ACTA2: variants seen among roughly 807,000 people sequenced by gnomAD.
ACTA2 encodes the protein actin, aortic smooth muscle.
A neutral mutation model predicts 39.5 loss-of-function variants in ACTA2; 12 were observed. The ratio of observed to expected loss-of-function variants is 0.30; its 90% CI spans 0.19 to 0.49. The LOEUF (loss-of-function observed/expected upper bound fraction) is 0.49, where lower values mean the gene tolerates loss of function less well. ACTA2 is among the 20% of genes least tolerant of loss of function. The pLI is 0.99. For missense variants in ACTA2, 236 were observed against 498.8 expected, an observed-to-expected ratio of 0.47 and a Z score of 5.02; for synonymous variants, 158 against 180.6, an observed-to-expected ratio of 0.88 and a Z score of 1.00.
In ACTA2 at chr10:88,990,714, C is replaced by T; in HGVS notation, c.-24+225G>A. Reference sequence around the variant, plus strand: ...TCTGGGGAGTGAGGGAAGCGGTTTACGAGTGACTTGGCTGGAGCCTCAGGG... The same window carrying T: ...TCTGGGGAGTGAGGGAAGCGGTTTATGAGTGACTTGGCTGGAGCCTCAGGG... On this transcript the variant is annotated intron_variant, in intron 1 of 4. Coordinates refer to the ACTA2 transcript ENST00000415557. The surrounding 1 kb of genome is among the most constrained non-coding windows in gnomAD (Gnocchi z 4.9). 2.5e-6 allele frequency: 2 copies of T among 795,296 alleles called. No individual in the cohort carries two copies. The highest frequency in any genetic ancestry group is 4.3e-6 in the Non-Finnish European group (2 of 462,532). The allele number at this position is 795,296 out of a possible 1,614,324, so 49.3% of individuals were successfully genotyped here.
chr10:88,943,633 C>T lies in ACTA2; in HGVS notation c.369+164G>A, dbSNP rs755173353. On this transcript the variant is annotated intron_variant, in intron 4 of 8. Transcript: ENST00000224784. The stretch of plus-strand genomic sequence containing the variant: ...GGTCCCTGCAGGAAGGATGCAAGTA[C>T]TTTCAAGCTGTTCCTGTCCTTTGGG... 4.2e-5 allele frequency: 30 copies of T among 708,956 alleles called. 1 individual carries two copies. The highest frequency in any genetic ancestry group is 3.9e-4 in the South Asian group (26 of 66,886). The allele number at this position is 708,956 out of a possible 1,614,324, so 43.9% of individuals were successfully genotyped here. A position where few individuals can be genotyped will look rare whatever the true frequency, so the allele number is the denominator to read the frequency against.
intron 1 of ACTA2, among the ~76,000 whole-genome samples, chr10:88,968,903 T>C (rs1157086883): frequency 6.6e-6 from 1 of 152,156 alleles, no homozygotes; most frequent in Non-Finnish European, 1.5e-5. Flanking sequence ...ATTGGAAAAG[T>C]TTCTGTCTTT....
intron 1 of ACTA2, among the ~76,000 whole-genome samples, chr10:88,983,311 A>C (rs977990636): frequency 6.6e-6 from 1 of 152,174 alleles, no homozygotes; most frequent in African/African-American, 2.4e-5. Context: ...TATGACCCGG[A>C]ATTTAAGAAA....
intron 1 of ACTA2, chr10:88,989,578 T>A (rs1474732979): frequency 3.7e-6 from 2 of 540,290 alleles, no homozygotes; most frequent in Non-Finnish European, 7.3e-6. Flanking sequence ...ACAAGACTGG[T>A]GGTAAGTGCA....
intron 1 of ACTA2, among the ~76,000 whole-genome samples, chr10:88,976,038 C>T (rs1212440486): frequency 1.3e-5 from 2 of 152,070 alleles, no homozygotes; most frequent in African/African-American, 4.8e-5. Flanking sequence ...TGTCCCATCC[C>T]GATTAGGACC....
At chr10:88,960,535 A>G (rs1452471468) in intron 1 of ACTA2, among the ~76,000 whole-genome samples, 1 of 152,208 alleles carries the variant, frequency 6.6e-6, no homozygotes, top group African/African-American at 2.4e-5. Context: ...GGATACATAT[A>G]GTGCTTTGGA....
intron 1 of ACTA2, among the ~76,000 whole-genome samples, chr10:88,978,889 CTATTATTATTATTA>C (rs923928844): frequency 2.0e-5 from 3 of 151,468 alleles, no homozygotes; most frequent in South Asian, 2.1e-4. Context: ...GATCTCTTCT[CTATTATTATTATTA>C]TATTATTATT....
rs551691628 is a variant in ACTA2, at chr10:88,984,461, A to G, written c.-24+6478T>C. ...AATGATAGTAGCACACTAGTGTCAT[A>G]TGTCAAGTGGCAAATGACACTAGCA... On this transcript the variant is annotated intron_variant, in intron 1 of 4. Coordinates refer to the ACTA2 transcript ENST00000415557. Among the ~76,000 whole-genome samples, 7 of 152,344 alleles carry G rather than the reference A, an allele frequency of 4.6e-5. No individual in the cohort carries two copies. In the South Asian group the frequency reaches 1.4e-3, roughly 32 times the overall value.
rs202165529 is a variant in ACTA2 at position 88,990,925 on chromosome 10, G to A, written c.-24+14C>T. The A allele has an allele frequency of 1.7e-4, 277 of 1,614,192 alleles. 1 individual carries two copies. The highest frequency in any genetic ancestry group is 1.2e-3 in the Middle Eastern group (7 of 6,060). On this transcript the variant is annotated intron_variant, in intron 1 of 4. Coordinates refer to the ACTA2 transcript ENST00000415557. The surrounding 1 kb of genome is among the most constrained non-coding windows in gnomAD (Gnocchi z 4.9). ...ACCTCTGGTGAGCCCTCTCCTGCCC[G>A]GGTGGAGGCTTACCCCGTCTTAGTC... is the stretch of plus-strand genomic sequence containing the variant.
intron 1 of ACTA2, among the ~76,000 whole-genome samples, chr10:88,972,143 G>C (rs2133325405): frequency 6.6e-6 from 1 of 152,240 alleles, no homozygotes; most frequent in African/African-American, 2.4e-5. Flanking sequence ...TCTTGACCTT[G>C]TGATCCACCC....
chr10:88,973,570 C>CTT (rs1846497064), intron 1 of ACTA2: 1 of 319,106 alleles, frequency 3.1e-6, no homozygotes, highest in African/African-American at 2.1e-5. Flanking sequence ...CACCACTTCC[C>CTT]ATTCCCCAAA....
At position 88,938,169 on chromosome 10, in the gene ACTA2, G is replaced by A. The variant is rs1589391528; in HGVS notation, c.882C>T (p.Asp294=). 6.2e-7 allele frequency: 1 copy of A among 1,614,032 alleles called. No individual in the cohort carries two copies. Among genetic ancestry groups the A allele is most frequent in the South Asian group, 1.1e-5 (1 of 91,080 alleles). ...IMKCDIDIRK[D]LYANNVLSGG... ...CTGATAGGACATTGTTAGCATAGAG[G>A]TCCTTCCTGATGTCAATATCACACT... is the stretch of plus-strand genomic sequence containing the variant. The change falls in exon 8 of 9, where the codon GAC becomes GAT. Residue 294 remains aspartate, a synonymous_variant. Coordinates refer to ENST00000224784, the MANE Select transcript of ACTA2 (RefSeq NM_001613.4).
intron 4 of ACTA2, among the ~76,000 whole-genome samples, chr10:88,942,386 GT>G (rs964805241): frequency 1.3e-5 from 2 of 152,220 alleles, no homozygotes; most frequent in African/African-American, 4.8e-5. Flanking sequence ...GGCTGGCTAG[GT>G]TTAGCCCCAT....
At chr10:88,935,609 G>A (rs1845722679) in intron 8 of ACTA2, 2 of 441,514 alleles carry the variant, frequency 4.5e-6, no homozygotes, top group Middle Eastern at 6.4e-4. Context: ...GTAACTCTTC[G>A]ACCACATTAT....
chr10:88,961,903 A>T (rs1391519290), intron 1 of ACTA2, among the ~76,000 whole-genome samples: 2 of 152,232 alleles, frequency 1.3e-5, no homozygotes, highest in South Asian at 2.1e-4. Context: ...TGACAGGATT[A>T]TAATGGCTGC....
In ACTA2 at chr10:88,990,589, C is replaced by T. The variant is rs938458478; in HGVS notation, c.-24+350G>A. Reference sequence around the variant, plus strand: ...TGGAGCCCTCCCCAACCCGGGCGTTCCCCAGCGAGGCTTCCTTCCCATCCT... The same window carrying T: ...TGGAGCCCTCCCCAACCCGGGCGTTTCCCAGCGAGGCTTCCTTCCCATCCT... On this transcript the variant is annotated intron_variant, in intron 1 of 4. Transcript: ENST00000415557. The surrounding 1 kb of genome is among the most constrained non-coding windows in gnomAD (Gnocchi z 4.9). 1.3e-5 allele frequency: 9 copies of T among 671,114 alleles called. No homozygotes were observed. The highest frequency in any genetic ancestry group is 5.3e-5 in the African/African-American group (3 of 56,696). The allele number at this position is 671,114 out of a possible 1,614,324, so 41.6% of individuals were successfully genotyped here.
intron 1 of ACTA2, among the ~76,000 whole-genome samples, chr10:88,988,257 A>C (rs1253138508): frequency 6.6e-6 from 1 of 152,248 alleles, no homozygotes; most frequent in Non-Finnish European, 1.5e-5. Context: ...AAGAAGAAGG[A>C]GAAAGGCAGG....
chr10:88,946,997 T>G, intron 3 of ACTA2: 1 of 330,652 alleles, frequency 3.0e-6, no homozygotes, highest in South Asian at 2.9e-5. Context: ...CGGTGTTTGG[T>G]TTTTTGTCCT....
At chr10:88,971,969 C>T (rs1846457582) in intron 1 of ACTA2, among the ~76,000 whole-genome samples, 2 of 150,824 alleles carry the variant, frequency 1.3e-5, no homozygotes, top group African/African-American at 2.4e-5. Context: ...AGTGCAGAGG[C>T]GTGATCTCAG....
Sources: gnomAD v4.1 joint callset for allele counts (sites outside exome capture counted in the v4.1 genomes callset) on GRCh38, gnomAD v4.1.1 for gene constraint, Gnocchi (gnomAD v3.1) non-coding constraint, MANE v1.5 for transcripts, NCBI Gene and HGNC (gene_info 2026-07-23, HGNC 2026-07-21) for gene names.